Variants in KIRREL3 observed in about 807,000 individuals in gnomAD.
The protein encoded by KIRREL3 is kirre like nephrin family adhesion molecule 3, also known as kin of IRRE-like protein 3.
In KIRREL3, 36 loss-of-function variants were observed where a neutral mutation model predicts 89.7. That is an observed-to-expected ratio of 0.40 (90% CI 0.31 to 0.53). The LOEUF (loss-of-function observed/expected upper bound fraction) is 0.53, where lower values mean the gene tolerates loss of function less well. KIRREL3 is among the 20% of genes least tolerant of loss of function. The pLI is 0.49. For missense variants in KIRREL3, 864 were observed against 1,056.6 expected, an observed-to-expected ratio of 0.82 and a Z score of 2.53; for synonymous variants, 445 against 441.4, an observed-to-expected ratio of 1.01 and a Z score of -0.10.
intron 6 of KIRREL3, among the ~76,000 whole-genome samples, chr11:126,458,654 G>A (rs911417217): frequency 6.6e-6 from 1 of 152,188 alleles, no homozygotes; most frequent in African/African-American, 2.4e-5. Context: ...TGGGGAGCCT[G>A]TTCTCCCACA....
chr11:126,447,338 A>G (rs1486693869), intron 8 of KIRREL3, among the ~76,000 whole-genome samples: 8 of 152,130 alleles, frequency 5.3e-5, no homozygotes, highest in Non-Finnish European at 1.2e-4. Flanking sequence ...TCTGCCTTCA[A>G]GCTAGCTGCC....
In KIRREL3 at chr11:126,636,902, C is replaced by A. The variant is rs559599964; in HGVS notation, c.56-73990G>T. On this transcript the variant is annotated intron_variant, in intron 1 of 16. Coordinates refer to ENST00000525144, the MANE Select transcript of KIRREL3 (RefSeq NM_032531.4). The surrounding 1 kb of genome is among the most constrained non-coding windows in gnomAD (Gnocchi z 4.4). ...TCACATCAATACAATGAAAGTAACACCTATATCATGGCATTACTGGAAGAT... is the reference window on the plus strand; with the variant it reads ...TCACATCAATACAATGAAAGTAACAACTATATCATGGCATTACTGGAAGAT... Among the ~76,000 whole-genome samples the A allele has an allele frequency of 6.6e-6, 1 of 152,284 alleles. No individual in the cohort carries two copies. Among genetic ancestry groups the A allele is most frequent in the African/African-American group, 2.4e-5 (1 of 41,550 alleles).
chr11:126,816,912 A>T (rs1343724774), intron 1 of KIRREL3, among the ~76,000 whole-genome samples: 3 of 152,176 alleles, frequency 2.0e-5, no homozygotes, highest in Non-Finnish European at 4.4e-5. Flanking sequence ...ACTGCTTCTA[A>T]TCATAGACTC....
At chr11:126,851,213 G>A (rs1452567026) in intron 1 of KIRREL3, among the ~76,000 whole-genome samples, 1 of 152,214 alleles carries the variant, frequency 6.6e-6, no homozygotes, top group Admixed American at 6.5e-5. Context: ...GTGACATAGT[G>A]AATGAAAGAG....
rs1010988187 is a variant in KIRREL3 at position 126,607,970 on chromosome 11, C to T, written c.56-45058G>A. Among the ~76,000 whole-genome samples, 3 of 152,160 alleles carry T rather than the reference C, an allele frequency of 2.0e-5. No individual in the cohort carries two copies. Among genetic ancestry groups the T allele is most frequent in the African/African-American group, 7.2e-5 (3 of 41,432 alleles). Reference sequence around the variant, plus strand: ...GCTCAGCCCCATCGCAGCAAGGGCCCGAGGAACGAGCACGTCAGCTGTCTC... The same window carrying T: ...GCTCAGCCCCATCGCAGCAAGGGCCTGAGGAACGAGCACGTCAGCTGTCTC... On this transcript the variant is annotated intron_variant, in intron 1 of 16. Transcript: ENST00000525144. The surrounding 1 kb of genome is among the most constrained non-coding windows in gnomAD (Gnocchi z 6.6).
rs917881921 is a variant in KIRREL3, at chr11:126,601,857, A to C, written c.56-38945T>G. Among the ~76,000 whole-genome samples the C allele has an allele frequency of 6.6e-6, 1 of 152,164 alleles. No homozygotes were observed. The highest frequency in any genetic ancestry group is 1.5e-5 in the Non-Finnish European group (1 of 68,036). ...TTTTTAAGGACTGGACTAAAGGTGG[A>C]GGTCTTGGCCTGAGAACCGTGCATA... is the stretch of plus-strand genomic sequence containing the variant. On this transcript the variant is annotated intron_variant, in intron 1 of 16. Transcript: ENST00000525144. This position sits in a 1 kb window ranked among gnomAD's most constrained non-coding sequence, Gnocchi z 5.8.
At chr11:126,923,336 CT>C (rs1377941986) in intron 1 of KIRREL3, among the ~76,000 whole-genome samples, 5 of 140,894 alleles carry the variant, frequency 3.5e-5, no homozygotes, top group African/African-American at 1.3e-4. Flanking sequence ...CTTCTTCCTT[CT>C]CCTTCTCCTT....
intron 1 of KIRREL3, among the ~76,000 whole-genome samples, chr11:126,832,090 TTTTA>T (rs1410392038): frequency 6.6e-6 from 1 of 152,224 alleles, no homozygotes; most frequent in Non-Finnish European, 1.5e-5. Context: ...GCCTTTACAC[TTTTA>T]AGATGAGGAA....
At position 126,780,028 on chromosome 11, in the gene KIRREL3, G is replaced by A. The variant is rs1950280015; in HGVS notation, c.56-217116C>T. 6.6e-6 allele frequency among the ~76,000 whole-genome samples: 1 copy of A among 152,114 alleles called. No individual in the cohort carries two copies. Among genetic ancestry groups the A allele is most frequent in the South Asian group, 2.1e-4 (1 of 4,824 alleles). ...TCTGGCTCTGTGGCTTCAACAGGGA[G>A]CCCCACGCTGTATCTGGAAGGGAGG... On this transcript the variant is annotated intron_variant, in intron 1 of 16. Transcript: ENST00000525144. This position sits in a 1 kb window ranked among gnomAD's most constrained non-coding sequence, Gnocchi z 5.3.
rs765234908 is a variant in KIRREL3, at chr11:126,446,849, G to A, written c.1035C>T (p.Leu345=). The stretch of plus-strand genomic sequence containing the variant: ...AGATGGCATCAGAGCCCAGATCCAC[G>A]AGCAAGGATTGGGGTTCTGTGGTCA... ...PRMTTEPQSL[L]VDLGSDAIFS... The change falls in exon 9 of 17, where the codon CTC becomes CTT. Residue 345 remains leucine (L), a synonymous_variant. Coordinates refer to ENST00000525144, the MANE Select transcript of KIRREL3 (RefSeq NM_032531.4). 61 of 1,603,580 alleles carry A rather than the reference G, an allele frequency of 3.8e-5. 1 individual carries two copies. The highest frequency in any genetic ancestry group is 2.5e-4 in the East Asian group (11 of 44,484).
intron 1 of KIRREL3, among the ~76,000 whole-genome samples, chr11:126,718,554 A>G (rs1469616568): frequency 1.3e-5 from 2 of 152,236 alleles, no homozygotes; most frequent in Non-Finnish European, 2.9e-5. Context: ...GTTTCTCTGG[A>G]TGAGTCAGAG....
rs1374489033 is a variant in KIRREL3, at chr11:126,991,850, G to A, written c.55+8605C>T. 3.3e-5 allele frequency among the ~76,000 whole-genome samples: 5 copies of A among 152,102 alleles called. No homozygotes were observed. The highest frequency in any genetic ancestry group is 1.2e-4 in the African/African-American group (5 of 41,400). ...TCCTGCATTTTTTAGTGTTGATGTG[G>A]AACAGCTGGATGTACCAGCATCTTG... is the stretch of plus-strand genomic sequence containing the variant. On this transcript the variant is annotated intron_variant, in intron 1 of 16. Coordinates refer to ENST00000525144, the MANE Select transcript of KIRREL3 (RefSeq NM_032531.4). The surrounding 1 kb of genome is among the most constrained non-coding windows in gnomAD (Gnocchi z 5.8).
In KIRREL3 at chr11:126,876,729, G is replaced by A. The variant is rs1206500695; in HGVS notation, c.55+123726C>T. 6.6e-6 allele frequency among the ~76,000 whole-genome samples: 1 copy of A among 152,008 alleles called. No individual in the cohort carries two copies. Among genetic ancestry groups the A allele is most frequent in the Non-Finnish European group, 1.5e-5 (1 of 68,006 alleles). ...ATTTTTTTGTATTTTTAGTAGAGAT[G>A]GGGTTTCACCATGTTGGCCAGGCTG... On this transcript the variant is annotated intron_variant, in intron 1 of 16. Transcript: ENST00000525144. The surrounding 1 kb of genome is among the most constrained non-coding windows in gnomAD (Gnocchi z 4.1).
intron 4 of KIRREL3, among the ~76,000 whole-genome samples, chr11:126,493,308 C>A (rs926940550): frequency 3.3e-5 from 5 of 151,334 alleles, no homozygotes; most frequent in African/African-American, 1.2e-4. Context: ...GATCACGAGG[C>A]CAGGAGATTG....
At position 126,473,435 on chromosome 11, in the gene KIRREL3, GC is replaced by G. The variant is rs1565483272; in HGVS notation, c.464del (p.Gly155AlafsTer3). The G allele has an allele frequency of 1.9e-6, 3 of 1,573,668 alleles. No individual in the cohort carries two copies. The highest frequency in any genetic ancestry group is 1.1e-5 in the South Asian group (1 of 87,240). Reference sequence around the variant, plus strand: ...CCCCCGCACGCAGGCTGATCACAGGGCCCCCCAGGATGACGGGGTCATCAGG... The same window carrying G: ...CCCCCGCACGCAGGCTGATCACAGGGCCCCCAGGATGACGGGGTCATCAGG... Reference protein sequence around the residue: ...VPPDDPVILGGPVISLRAGDP... With the variant: ...VPPDDPVILGXPVISLRAGDP... On this transcript the variant is annotated frameshift_variant, in exon 5 of 17. Coordinates refer to ENST00000525144, the MANE Select transcript of KIRREL3 (RefSeq NM_032531.4). LOFTEE classifies it high-confidence loss of function.
At position 126,782,909 on chromosome 11, in the gene KIRREL3, C is replaced by T. The variant is rs1385188778; in HGVS notation, c.55+217546G>A. The stretch of plus-strand genomic sequence containing the variant: ...ACAATCCAGAGTTTGGTTTCTGATA[C>T]CACTCTGTAATAAAAGGAACCAGGG... On this transcript the variant is annotated intron_variant, in intron 1 of 16. Transcript: ENST00000525144. This position sits in a 1 kb window ranked among gnomAD's most constrained non-coding sequence, Gnocchi z 4.1. Among the ~76,000 whole-genome samples, 1 of 152,114 alleles carries T rather than the reference C, an allele frequency of 6.6e-6. No individual in the cohort carries two copies. The highest frequency in any genetic ancestry group is 1.9e-4 in the East Asian group (1 of 5,190).
intron 1 of KIRREL3, among the ~76,000 whole-genome samples, chr11:126,789,534 CACTCTTGAGCCT>C (rs996220835): frequency 1.9e-4 from 29 of 152,308 alleles, no homozygotes; most frequent in African/African-American, 6.7e-4. Context: ...TTCTCTCATT[CACTCTTGAGCCT>C]ACTCTTTCTG....
rs1321874523 is a variant in KIRREL3, at chr11:126,901,210, T to C, written c.55+99245A>G. On this transcript the variant is annotated intron_variant, in intron 1 of 16. Coordinates refer to ENST00000525144, the MANE Select transcript of KIRREL3 (RefSeq NM_032531.4). Reference sequence around the variant, plus strand: ...GCCTGGGTAACAGAGCGAGATTCCGTCTCAAAAAAAAAAAAAAAAAAAGAC... The same window carrying C: ...GCCTGGGTAACAGAGCGAGATTCCGCCTCAAAAAAAAAAAAAAAAAAAGAC... Among the ~76,000 whole-genome samples the C allele has an allele frequency of 2.9e-5, 3 of 104,264 alleles. No individual in the cohort carries two copies. The East Asian group carries it at 8.7e-4, about 30-fold the overall frequency. 68.4% of individuals were successfully genotyped at this position (104,264 alleles called of 152,430 possible).
rs918965682 is a variant in KIRREL3 at position 126,802,506 on chromosome 11, C to T, written c.55+197949G>A. ...TCTGCGTGGATTTTCTCTGTGTCCT[C>T]CAGCTTCCTCCCACATCCCAAAGCT... On this transcript the variant is annotated intron_variant, in intron 1 of 16. Coordinates refer to ENST00000525144, the MANE Select transcript of KIRREL3 (RefSeq NM_032531.4). The surrounding 1 kb of genome is among the most constrained non-coding windows in gnomAD (Gnocchi z 5.2). 6.6e-6 allele frequency among the ~76,000 whole-genome samples: 1 copy of T among 152,184 alleles called. No individual in the cohort carries two copies.
Sources: gnomAD v4.1 joint callset for allele counts (sites outside exome capture counted in the v4.1 genomes callset) on GRCh38, gnomAD v4.1.1 for gene constraint, Gnocchi (gnomAD v3.1) non-coding constraint, MANE v1.5 for transcripts, NCBI Gene and HGNC (gene_info 2026-07-23, HGNC 2026-07-21) for gene names.